The following PELP1 variants were observed in gnomAD, a reference collection of about 807,000 sequenced individuals.
PELP1 encodes proline, glutamate and leucine rich protein 1.
Under a neutral mutation model 95.5 loss-of-function variants are expected in PELP1, and 32 were observed. The ratio of observed to expected loss-of-function variants is 0.34; its 90% confidence interval spans 0.25 to 0.45. The LOEUF (loss-of-function observed/expected upper bound fraction) is 0.45, where lower values mean the gene tolerates loss of function less well. PELP1 is among the 20% of genes least tolerant of loss of function. PELP1 has a pLI of 1.00. For synonymous variants in PELP1, 668 were observed against 600.1 expected, an observed-to-expected ratio of 1.11 and a Z score of -1.65; for missense variants, 1,358 against 1,444.8, an observed-to-expected ratio of 0.94 and a Z score of 0.97.
chr17:4,674,300 C>G (rs1912359362), intron 13 of PELP1, among the ~76,000 whole-genome samples: 1 of 152,286 alleles, frequency 6.6e-6, no homozygotes, highest in Non-Finnish European at 1.5e-5. Flanking sequence ...CCTGGCCTCT[C>G]TGCGGGCTTC....
Position 4,676,662 on chromosome 17 carries a change from T to C in PELP1, c.702+91A>G, listed in dbSNP as rs939839953. ...AGGCCGAAGGACACAGATGGGCATA[T>C]GAAGGCAGGACAGAAAAGCTAGAGG... is the stretch of plus-strand genomic sequence containing the variant. On this transcript the variant is annotated intron_variant, in intron 6 of 16. Transcript: ENST00000572293. The C allele has an allele frequency of 1.2e-5, 16 of 1,385,574 alleles. No individual in the cohort carries two copies. In the African/African-American group the frequency reaches 2.2e-4, roughly 19 times the overall value. 85.8% of individuals were successfully genotyped at this position (1,385,574 alleles called of 1,614,324 possible).
chr17:4,697,955 A>G (rs1169583294), intron 1 of PELP1, among the ~76,000 whole-genome samples: 1 of 151,530 alleles, frequency 6.6e-6, no homozygotes, highest in East Asian at 1.9e-4. Flanking sequence ...TGCTTAACCT[A>G]GAATACGTGC....
intron 1 of PELP1, among the ~76,000 whole-genome samples, chr17:4,698,008 GTTTTTT>G (rs60403748): frequency 7.5e-6 from 1 of 133,602 alleles, no homozygotes; most frequent in Admixed American, 7.7e-5. Context: ...TTTCTGCAAG[GTTTTTT>G]TTTTTTTTTT....
intron 1 of PELP1, among the ~76,000 whole-genome samples, chr17:4,695,967 G>T (rs1206348531): frequency 6.7e-6 from 1 of 150,238 alleles, no homozygotes; most frequent in African/African-American, 2.5e-5. Context: ...ATGAACCCCC[G>T]CAGTAAAGCT....
In PELP1 at chr17:4,682,710, C is replaced by T. The variant is rs1912734840; in HGVS notation, c.570+93G>A. 4 of 1,461,502 alleles carry T rather than the reference C, an allele frequency of 2.7e-6. No individual in the cohort carries two copies. In the South Asian group the frequency reaches 3.9e-5, roughly 14 times the overall value. 90.5% of individuals were successfully genotyped at this position (1,461,502 alleles called of 1,614,324 possible). Reference sequence around the variant, plus strand: ...CCTCCCTCTTCTCACTTCTTCAATCCTATTCCCCAGTCACTTCCATCAAAC... The same window carrying T: ...CCTCCCTCTTCTCACTTCTTCAATCTTATTCCCCAGTCACTTCCATCAAAC... On this transcript the variant is annotated intron_variant, in intron 4 of 16. Coordinates refer to ENST00000572293, the MANE Select transcript of PELP1 (RefSeq NM_014389.3).
intron 1 of PELP1, among the ~76,000 whole-genome samples, chr17:4,699,488 AAG>A (rs1189519096): frequency 1.3e-5 from 2 of 152,208 alleles, no homozygotes; most frequent in Admixed American, 1.3e-4. Flanking sequence ...GTAACGCTAA[AAG>A]AAGAAGAAGG....
rs1482952497 is a variant in PELP1 at position 4,672,282 on chromosome 17, T to C, written c.2709A>G (p.Glu903=). The C allele has an allele frequency of 1.9e-6, 3 of 1,549,084 alleles. No homozygotes were observed. The highest frequency in any genetic ancestry group is 1.4e-5 in the African/African-American group (1 of 72,730). The part of the protein sequence containing the change: ...EEEEEEEEEE[E]EEEEEDFEEE... Reference sequence around the variant, plus strand: ...CCTCAAAGTCTTCCTCCTCTTCCTCTTCTTCCTCTTCTTCTTCTTCCTCTT... The same window carrying C: ...CCTCAAAGTCTTCCTCCTCTTCCTCCTCTTCCTCTTCTTCTTCTTCCTCTT... Residue 903 remains glutamate, a synonymous_variant, in exon 16 of 17, where the codon GAA becomes GAG. Transcript: ENST00000572293.
intron 3 of PELP1, among the ~76,000 whole-genome samples, chr17:4,689,294 G>A (rs1913011836): frequency 6.6e-6 from 1 of 152,174 alleles, no homozygotes; most frequent in Admixed American, 6.5e-5. Context: ...AAGAGTTCAT[G>A]ACCAAGAATC....
In PELP1 at chr17:4,673,790, T is replaced by C; in HGVS notation, c.1583-116A>G. The C allele has an allele frequency of 1.2e-6, 1 of 814,422 alleles. No homozygotes were observed. Among genetic ancestry groups the C allele is most frequent in the South Asian group, 1.4e-5 (1 of 73,084 alleles). The allele number at this position is 814,422 out of a possible 1,614,324, so 50.4% of individuals were successfully genotyped here. ...TCTGCCACTGCCTATCTTGGCCAAG[T>C]CATTTAACTTCTCAACTAGAAAATG... On this transcript the variant is annotated intron_variant, in intron 13 of 16. Coordinates refer to ENST00000572293, the MANE Select transcript of PELP1 (RefSeq NM_014389.3). This position sits in a 1 kb window ranked among gnomAD's most constrained non-coding sequence, Gnocchi z 5.7.
At chr17:4,676,644 A>G in intron 6 of PELP1, 109 bp downstream of exon 6, 2 of 1,380,762 alleles carry the variant, frequency 1.4e-6, no homozygotes, top group Non-Finnish European at 1.0e-6. Flanking sequence ...ATGAGGCCGA[A>G]GGACACAGAT....
intron 1 of PELP1, among the ~76,000 whole-genome samples, chr17:4,692,466 C>CA (rs11321605): frequency 1.3e-4 from 19 of 147,920 alleles, no homozygotes; most frequent in African/African-American, 4.5e-4. Flanking sequence ...GACTCTGTCT[C>CA]AAAAAAAAAA....
chr17:4,672,941 G>A lies in PELP1; in HGVS notation c.2050C>T (p.Pro684Ser), dbSNP rs1287046806. 1 of 1,609,456 alleles carries A rather than the reference G, an allele frequency of 6.2e-7. No individual in the cohort carries two copies. Among genetic ancestry groups the A allele is most frequent in the African/African-American group, 1.3e-5 (1 of 74,958 alleles). The change falls in exon 16 of 17, where the codon CCT becomes TCT. Residue 684 changes from proline to serine, a missense_variant. Around this residue, in one of 7 missense-constraint regions of PELP1, gnomAD observed 340 missense variants for 322.9 expected, o/e 1.05. Coordinates refer to ENST00000572293, the MANE Select transcript of PELP1 (RefSeq NM_014389.3). ...VGSMPSAGPMPSAGPMPSAGP... is the reference protein window; with the variant it reads ...VGSMPSAGPMSSAGPMPSAGP... Reference sequence around the variant, plus strand: ...GCTGAGGGCATGGGGCCTGCTGAAGGCATGGGGCCTGCTGAGGGCATGGAG... The same window carrying A: ...GCTGAGGGCATGGGGCCTGCTGAAGACATGGGGCCTGCTGAGGGCATGGAG...
At chr17:4,677,865 T>C (rs762945080) in intron 5 of PELP1, among the ~76,000 whole-genome samples, 34 of 146,828 alleles carry the variant, frequency 2.3e-4, no homozygotes, top group Non-Finnish European at 1.5e-4. Context: ...AGAACCGAGA[T>C]CATGCCAGTC....
intron 1 of PELP1, among the ~76,000 whole-genome samples, chr17:4,698,351 C>T (rs868546345): frequency 1.1e-4 from 17 of 151,946 alleles, no homozygotes; most frequent in African/African-American, 4.1e-4. Flanking sequence ...GACATTATAA[C>T]TAAAAGCAAG....
intron 5 of PELP1, among the ~76,000 whole-genome samples, chr17:4,680,904 T>C (rs996131258): frequency 6.6e-6 from 1 of 152,230 alleles, no homozygotes; most frequent in African/African-American, 2.4e-5. Flanking sequence ...AGGCAGAATT[T>C]GTAAACCATT....
chr17:4,672,600 G>A lies in PELP1; in HGVS notation c.2391C>T (p.Pro797=). ...SVVIVPEGLP[P]LPPPPPSGAT... ...CACCTGAGGGTGGTGGGGGTGGCAGGGGGGGAAGCCCCTCGGGCACGATCA... is the reference window on the plus strand; with the variant it reads ...CACCTGAGGGTGGTGGGGGTGGCAGAGGGGGAAGCCCCTCGGGCACGATCA... The change falls in exon 16 of 17, where the codon CCC becomes CCT. Residue 797 remains proline (P), a synonymous_variant. Coordinates refer to ENST00000572293, the MANE Select transcript of PELP1 (RefSeq NM_014389.3). 6.2e-7 allele frequency: 1 copy of A among 1,602,056 alleles called. No individual in the cohort carries two copies. Among genetic ancestry groups the A allele is most frequent in the Non-Finnish European group, 8.5e-7 (1 of 1,171,802 alleles).
rs941013587 is a variant in PELP1, at chr17:4,670,338, C to T, written c.*1101G>A. ...CCACGGGGCCCCTAGTTCAAGCCCA[C>T]CAATCTTGGTACCCTCTCACAGACA... On this transcript the variant is annotated 3_prime_UTR_variant, in exon 17 of 17. Coordinates refer to ENST00000572293, the MANE Select transcript of PELP1 (RefSeq NM_014389.3). 6.6e-6 allele frequency: 1 copy of T among 152,176 alleles called. No homozygotes were observed. The highest frequency in any genetic ancestry group is 1.5e-5 in the Non-Finnish European group (1 of 68,050). 9.4% of individuals were successfully genotyped at this position (152,176 alleles called of 1,614,324 possible).
chr17:4,676,575 C>T lies in PELP1; in HGVS notation c.703-68G>A, dbSNP rs576797270. 841 of 1,575,002 alleles carry T rather than the reference C, an allele frequency of 5.3e-4. 8 individuals carry two copies. In the South Asian group the frequency reaches 8.8e-3, roughly 17 times the overall value. On this transcript the variant is annotated intron_variant, in intron 6 of 16. Coordinates refer to ENST00000572293, the MANE Select transcript of PELP1 (RefSeq NM_014389.3). ...CCCAGCCACAGAACCCCCAGCCCCA[C>T]TGACACCCAAAAGAGATGGAGATCA...
intron 13 of PELP1, chr17:4,674,020 G>C (rs1381085820): frequency 5.6e-6 from 2 of 356,886 alleles, no homozygotes; most frequent in Non-Finnish European, 1.0e-5. Flanking sequence ...TATCCGACTA[G>C]CAACCTGTGG....
Sources: gnomAD v4.1 joint callset for allele counts (sites outside exome capture counted in the v4.1 genomes callset) on GRCh38, gnomAD v4.1.1 for gene constraint, gnomAD v4.1.1 regional missense constraint, Gnocchi (gnomAD v3.1) non-coding constraint, MANE v1.5 for transcripts, NCBI Gene and HGNC (gene_info 2026-07-23, HGNC 2026-07-21) for gene names.